Variants in CSNK2A2 observed in about 807,000 individuals in gnomAD.
The protein encoded by CSNK2A2 is casein kinase II subunit alpha'.
A neutral mutation model predicts 54.0 loss-of-function variants in CSNK2A2; 8 were observed. That is an observed-to-expected ratio of 0.15 (90% CI 0.09 to 0.27). The LOEUF is 0.27. CSNK2A2 is among the 10% of genes least tolerant of loss of function. CSNK2A2 has a pLI of 1.00. For missense variants in CSNK2A2, 242 were observed against 439.4 expected (o/e 0.55, Z 4.02); for synonymous variants, 141 against 153.9 (o/e 0.92, Z 0.62).
chr16:58,163,884 GAGA>G (rs1324792532), intron 11 of CSNK2A2, 167 bp downstream of exon 11: 1 of 524,244 alleles, frequency 1.9e-6, no homozygotes, highest in Non-Finnish European at 3.4e-6. Context: ...CAGCTCCCTG[GAGA>G]CTAGCACTGG....
intron 6 of CSNK2A2, 36 bp from the exon 7 acceptor site, chr16:58,167,831 T>A: frequency 1.6e-5 from 24 of 1,508,606 alleles, no homozygotes; most frequent in African/African-American, 2.7e-5. Context: ...GTGAAAGGAG[T>A]GTTTCTAGAC....
intron 10 of CSNK2A2, among the ~76,000 whole-genome samples, chr16:58,165,269 T>A (rs1961532938): frequency 6.6e-6 from 1 of 152,244 alleles, no homozygotes; most frequent in South Asian, 2.1e-4. Flanking sequence ...CAAATATATG[T>A]ATGTTTAAAA....
At chr16:58,191,454 C>T (rs998302593) in intron 2 of CSNK2A2, among the ~76,000 whole-genome samples, 6 of 152,238 alleles carry the variant, frequency 3.9e-5, no homozygotes, top group East Asian at 3.9e-4. Flanking sequence ...CTCTGCCTCC[C>T]GGGTTCAAGC....
chr16:58,177,252 T>C (rs1473746439), intron 4 of CSNK2A2, among the ~76,000 whole-genome samples: 1 of 152,184 alleles, frequency 6.6e-6, no homozygotes, highest in African/African-American at 2.4e-5. Flanking sequence ...CAAGAGTCCA[T>C]GACACATTAG....
chr16:58,191,821 T>C (rs148067229), intron 2 of CSNK2A2, among the ~76,000 whole-genome samples: 242 of 152,324 alleles, frequency 1.6e-3, no homozygotes, highest in Non-Finnish European at 2.8e-3. Context: ...ACTACTATAC[T>C]TTATTGATCT....
chr16:58,172,728 T>G (rs1290207510), intron 5 of CSNK2A2, among the ~76,000 whole-genome samples: 2 of 152,266 alleles, frequency 1.3e-5, no homozygotes, highest in African/African-American at 2.4e-5. Context: ...TGGGGAATTA[T>G]TTCAGTTTTA....
At chr16:58,184,235 A>C in intron 4 of CSNK2A2, 25 bp downstream of exon 4, 1 of 1,584,436 alleles carries the variant, frequency 6.3e-7, no homozygotes, top group Non-Finnish European at 8.6e-7. Flanking sequence ...CGTTAACCCC[A>C]TGCCAGAAAG....
chr16:58,181,087 A>C (rs937307082), intron 4 of CSNK2A2, among the ~76,000 whole-genome samples: 1 of 152,236 alleles, frequency 6.6e-6, no homozygotes, highest in African/African-American at 2.4e-5. Context: ...GGGGACCTCC[A>C]GTTAAACAAG....
chr16:58,194,681 A>G (rs1962389531), intron 2 of CSNK2A2, among the ~76,000 whole-genome samples: 1 of 152,238 alleles, frequency 6.6e-6, no homozygotes, highest in South Asian at 2.1e-4. Context: ...AATAGGAAAC[A>G]GGAGTTCTGG....
intron 2 of CSNK2A2, among the ~76,000 whole-genome samples, chr16:58,193,629 A>G (rs1311773140): frequency 6.6e-6 from 1 of 152,250 alleles, no homozygotes; most frequent in Admixed American, 6.5e-5. Context: ...CTACACACAC[A>G]GGCAGTATTC....
chr16:58,166,935 C>A (rs943256811), intron 8 of CSNK2A2, among the ~76,000 whole-genome samples: 20 of 152,320 alleles, frequency 1.3e-4, no homozygotes, highest in African/African-American at 4.8e-4. Context: ...CAGGGCATCA[C>A]AATCTAATGA....
chr16:58,168,495 A>C (rs1262934155), intron 6 of CSNK2A2, 115 bp downstream of exon 6: 1 of 714,874 alleles, frequency 1.4e-6, no homozygotes, highest in Non-Finnish European at 2.4e-6. Context: ...CACAGTAACG[A>C]AAGTTTGCCA....
At chr16:58,180,078 CAA>C (rs71385152) in intron 4 of CSNK2A2, among the ~76,000 whole-genome samples, 6 of 91,008 alleles carry the variant, frequency 6.6e-5, no homozygotes, top group Non-Finnish European at 9.3e-5. Context: ...GACTCCTTCT[CAA>C]AAAAAAAAAA....
chr16:58,180,894 C>A (rs554725784), intron 4 of CSNK2A2, among the ~76,000 whole-genome samples: 1 of 152,058 alleles, frequency 6.6e-6, no homozygotes, highest in Non-Finnish European at 1.5e-5. Context: ...AAGATGGACA[C>A]AGGACAAAAT....
At chr16:58,168,744 C>T in intron 5 of CSNK2A2, 51 bp from the exon 6 acceptor site, 2 of 1,363,708 alleles carry the variant, frequency 1.5e-6, no homozygotes, top group South Asian at 1.2e-5. Context: ...CTACCATCCC[C>T]CAACGCAAGC....
In CSNK2A2 at chr16:58,168,138, G is replaced by A. The variant is rs144155152; in HGVS notation, c.514-343C>T. Among the ~76,000 whole-genome samples, 819 of 152,078 alleles carry A rather than the reference G, an allele frequency of 5.4e-3. 1 individual carries two copies. Among genetic ancestry groups the A allele is most frequent in the Non-Finnish European group, 7.9e-3 (537 of 68,014 alleles). On this transcript the variant is annotated intron_variant, in intron 6 of 11. Transcript: ENST00000262506. ...TAGCTTTTCGTTATAAGCTCCAGGC[G>A]TCAGTGAAAGGGCTGGGGACACACA...
In CSNK2A2 at chr16:58,197,477, G is replaced by A. The variant is rs1388437205; in HGVS notation, c.104+156C>T. Reference sequence around the variant, plus strand: ...AACGGGGGTAAAGGGGAGGGAAGAGGAAGACGAGGACATGTGCGAGAGCGG... The same window carrying A: ...AACGGGGGTAAAGGGGAGGGAAGAGAAAGACGAGGACATGTGCGAGAGCGG... On this transcript the variant is annotated intron_variant, in intron 1 of 11. Transcript: ENST00000262506. This position sits in a 1 kb window ranked among gnomAD's most constrained non-coding sequence, Gnocchi z 4.0. Among the ~76,000 whole-genome samples the A allele has an allele frequency of 6.6e-6, 1 of 152,182 alleles. No individual in the cohort carries two copies. Among genetic ancestry groups the A allele is most frequent in the African/African-American group, 2.4e-5 (1 of 41,464 alleles).
intron 3 of CSNK2A2, among the ~76,000 whole-genome samples, chr16:58,185,697 T>C (rs1962173628): frequency 6.6e-6 from 1 of 152,206 alleles, no homozygotes; most frequent in African/African-American, 2.4e-5. Context: ...GGCCAATTAG[T>C]TACAATCTGG....
chr16:58,164,047 G>GC lies in CSNK2A2; in HGVS notation c.*17+6dup. On this transcript the variant is annotated splice_region_variant and intron_variant, in intron 11 of 11. Transcript: ENST00000262506. ...GGTTTTATTGGCAAGCATCAATGCC[G>GC]CATTACCCGTCGCTTTCCAGTCTTC... The GC allele has an allele frequency of 1.9e-6, 3 of 1,602,286 alleles. No individual in the cohort carries two copies. The highest frequency in any genetic ancestry group is 2.6e-6 in the Non-Finnish European group (3 of 1,171,418).
Sources: allele counts gnomAD v4.1 joint callset (sites outside exome capture counted in the v4.1 genomes callset), GRCh38; gene constraint gnomAD v4.1.1; non-coding constraint Gnocchi (gnomAD v3.1); transcripts MANE v1.5; gene names NCBI Gene and HGNC (gene_info 2026-07-23, HGNC 2026-07-21).